RAPGEF2: variants seen among roughly 807,000 people sequenced by gnomAD.
RAPGEF2 encodes the protein Rap guanine nucleotide exchange factor 2.
RAPGEF2 carries 54 observed loss-of-function variants against 186.7 expected under a neutral mutation model. The ratio of observed to expected loss-of-function variants is 0.29; its 90% CI spans 0.23 to 0.36. The LOEUF is 0.36. Among genes scored for constraint, RAPGEF2 ranks in the 10% least tolerant of loss-of-function variants. The pLI, the probability that RAPGEF2 is intolerant of heterozygous loss-of-function variation, is 1.00. For synonymous variants in RAPGEF2, 712 were observed against 705.9 expected (o/e 1.01, Z -0.14); for missense variants, 1,532 against 2,045.0 (o/e 0.75, Z 4.84).
intron 1 of RAPGEF2, among the ~76,000 whole-genome samples, chr4:159,137,581 C>T (rs1741857402): frequency 6.6e-6 from 1 of 151,980 alleles, no homozygotes; most frequent in South Asian, 2.1e-4. Context: ...ACCATAGTAG[C>T]ATCTTTAATA....
intron 1 of RAPGEF2, among the ~76,000 whole-genome samples, chr4:159,138,196 A>G (rs1368439089): frequency 6.6e-6 from 1 of 152,182 alleles, no homozygotes; most frequent in Non-Finnish European, 1.5e-5. Flanking sequence ...ACGTTGCTGA[A>G]AGGAGCTCTG....
At chr4:159,165,449 A>G (rs1283035138) in intron 1 of RAPGEF2, among the ~76,000 whole-genome samples, 2 of 152,206 alleles carry the variant, frequency 1.3e-5, no homozygotes, top group Non-Finnish European at 2.9e-5. Flanking sequence ...ATGTATATCT[A>G]TATATCTCTA....
At chr4:159,214,854 A>G (rs1050241224) in intron 4 of RAPGEF2, among the ~76,000 whole-genome samples, 1 of 152,192 alleles carries the variant, frequency 6.6e-6, no homozygotes, top group African/African-American at 2.4e-5. Context: ...AAAAAACAGT[A>G]TACAATTTTT....
At chr4:159,357,805 TA>T (rs749798740) in intron 29 of RAPGEF2, among the ~76,000 whole-genome samples, 3 of 152,276 alleles carry the variant, frequency 2.0e-5, no homozygotes, top group Admixed American at 6.5e-5. Flanking sequence ...TCTGATCGTA[TA>T]TTTTTTTTAA....
Position 159,103,184 on chromosome 4 carries a change from G to C in RAPGEF2, c.-979G>C, listed in dbSNP as rs1401439430. 1 of 151,954 alleles carries C rather than the reference G, an allele frequency of 6.6e-6. No homozygotes were observed. The highest frequency in any genetic ancestry group is 1.9e-4 in the East Asian group (1 of 5,154). The allele number at this position is 151,954 out of a possible 1,614,324, so 9.4% of individuals were successfully genotyped here. A position where few individuals can be genotyped will look rare whatever the true frequency, so the allele number is the denominator to read the frequency against. ...CACTCTCTCCGAGGGGGCTGTGCGC[G>C]GCTCTCGGCTTTCGGCCCTCGGACG... On this transcript the variant is annotated 5_prime_UTR_variant, in exon 1 of 30. Coordinates refer to ENST00000691494, the MANE Select transcript of RAPGEF2 (RefSeq NM_001394067.2).
chr4:159,201,491 C>T (rs1246836377), intron 3 of RAPGEF2, among the ~76,000 whole-genome samples: 1 of 152,178 alleles, frequency 6.6e-6, no homozygotes, highest in Non-Finnish European at 1.5e-5. Context: ...GTCTGCGGGA[C>T]GCCTATAAAA....
chr4:159,283,493 T>G (rs912417783), intron 7 of RAPGEF2, among the ~76,000 whole-genome samples: 113 of 152,280 alleles, frequency 7.4e-4, no homozygotes, highest in African/African-American at 2.6e-3. Context: ...TTCACTAGAA[T>G]TTTAGAGATA....
chr4:159,318,224 G>C (rs60907272), intron 9 of RAPGEF2, among the ~76,000 whole-genome samples: 2 of 151,982 alleles, frequency 1.3e-5, no homozygotes, highest in African/African-American at 4.8e-5. Flanking sequence ...GGTGTTGTTT[G>C]TTCTATGTAA....
chr4:159,210,248 A>G (rs980863486), intron 3 of RAPGEF2, among the ~76,000 whole-genome samples: 1 of 152,234 alleles, frequency 6.6e-6, no homozygotes, highest in Non-Finnish European at 1.5e-5. Context: ...TTAGAATGGT[A>G]GATGCTATAG....
At chr4:159,132,119 A>G (rs1407162043) in intron 1 of RAPGEF2, among the ~76,000 whole-genome samples, 1 of 152,196 alleles carries the variant, frequency 6.6e-6, no homozygotes, top group Admixed American at 6.5e-5. Context: ...CACTATTTAG[A>G]GAGGGGCTAG....
In RAPGEF2 at chr4:159,275,054, C is replaced by CGTGTGTGTGT. The variant is rs35461332; in HGVS notation, c.544-29255_544-29246dup. Among the ~76,000 whole-genome samples the CGTGTGTGTGT allele has an allele frequency of 2.2e-3, 311 of 143,978 alleles. 1 individual carries two copies. Among genetic ancestry groups the CGTGTGTGTGT allele is most frequent in the Middle Eastern group, 3.5e-3 (1 of 282 alleles). The allele number at this position is 143,978 out of a possible 152,430, so 94.5% of individuals were successfully genotyped here. A position where few individuals can be genotyped will look rare whatever the true frequency, so the allele number is the denominator to read the frequency against. ...TGTAGTTATGTTTTTCTCTGTCTCT[C>CGTGTGTGTGT]GTGTGTGTGTGTGTGTGTGTGTGTG... On this transcript the variant is annotated intron_variant, in intron 7 of 29. Transcript: ENST00000691494.
At chr4:159,332,777 T>C in intron 17 of RAPGEF2, 80 bp downstream of exon 17, 3 of 1,475,510 alleles carry the variant, frequency 2.0e-6, no homozygotes, top group Non-Finnish European at 2.8e-6. Context: ...AATTAATGTT[T>C]GCATGAGTCT....
Position 159,338,397 on chromosome 4 carries a change from G to C in RAPGEF2, c.2222G>C (p.Gly741Ala). The stretch of plus-strand genomic sequence containing the variant: ...ATCCCAACTGCATTGCCTGTCAGTG[G>C]AACCTTATCATCCAGTAATCCTGAT... ...KHIPTALPVS[G>A]TLSSSNPDLL... Residue 741 changes from glycine to alanine, a missense_variant, in exon 18 of 30, where the codon GGA becomes GCA. This residue lies in a region of RAPGEF2 where 810 missense variants were observed against 1,210.5 expected (regional missense o/e 0.67). Coordinates refer to ENST00000691494, the MANE Select transcript of RAPGEF2 (RefSeq NM_001394067.2). 1 of 1,614,100 alleles carries C rather than the reference G, an allele frequency of 6.2e-7. No homozygotes were observed. Among genetic ancestry groups the C allele is most frequent in the Non-Finnish European group, 8.5e-7 (1 of 1,179,956 alleles).
intron 4 of RAPGEF2, among the ~76,000 whole-genome samples, chr4:159,232,365 A>T (rs938979104): frequency 2.0e-5 from 3 of 152,242 alleles, no homozygotes; most frequent in African/African-American, 4.8e-5. Flanking sequence ...TATTTCATGT[A>T]AGTGGAATCA....
chr4:159,154,823 T>C (rs772560871), intron 1 of RAPGEF2, among the ~76,000 whole-genome samples: 5 of 152,182 alleles, frequency 3.3e-5, no homozygotes, highest in Non-Finnish European at 5.9e-5. Context: ...TACTGCTTCT[T>C]ATGAATTCTA....
intron 8 of RAPGEF2, among the ~76,000 whole-genome samples, chr4:159,306,804 C>CA (rs1474200123): frequency 6.6e-6 from 1 of 152,086 alleles, no homozygotes; most frequent in Admixed American, 6.6e-5. Flanking sequence ...CTGAGTGTGA[C>CA]AAAAGGAAGG....
At chr4:159,319,847 A>G (rs1329195937) in intron 9 of RAPGEF2, among the ~76,000 whole-genome samples, 2 of 152,266 alleles carry the variant, frequency 1.3e-5, no homozygotes, top group Admixed American at 6.5e-5. Context: ...GAGTCTGCCA[A>G]AAAGCACGCA....
Position 159,252,167 on chromosome 4 carries a change from C to T in RAPGEF2, c.543+8376C>T, listed in dbSNP as rs556079860. The stretch of plus-strand genomic sequence containing the variant: ...ACTCCACTTTTCAGGCTTAAGAGAT[C>T]CTCCCACCTCAGCCTCTTTAGTAGC... On this transcript the variant is annotated intron_variant, in intron 7 of 29. Coordinates refer to ENST00000691494, the MANE Select transcript of RAPGEF2 (RefSeq NM_001394067.2). Among the ~76,000 whole-genome samples, 5 of 152,248 alleles carry T rather than the reference C, an allele frequency of 3.3e-5. No individual in the cohort carries two copies. The East Asian group carries it at 5.8e-4, about 18-fold the overall frequency.
intron 1 of RAPGEF2, among the ~76,000 whole-genome samples, chr4:159,143,474 T>G (rs899320883): frequency 6.6e-6 from 1 of 152,204 alleles, no homozygotes; most frequent in East Asian, 1.9e-4. Context: ...TTATGATATA[T>G]TCAAGGAGAA....
Sources: allele counts gnomAD v4.1 joint callset (sites outside exome capture counted in the v4.1 genomes callset), GRCh38; gene constraint gnomAD v4.1.1; regional missense constraint gnomAD v4.1.1; transcripts MANE v1.5; gene names NCBI Gene and HGNC (gene_info 2026-07-23, HGNC 2026-07-21).